The following RAD17 variants were observed in gnomAD, a reference collection of about 807,000 sequenced individuals.
The protein encoded by RAD17 is RAD17 checkpoint clamp loader component.
In RAD17, 31 loss-of-function variants were observed where a neutral mutation model predicts 81.5. That is an observed-to-expected ratio of 0.38 (90% CI 0.29 to 0.51). The LOEUF is 0.51. Ranked by LOEUF, RAD17 falls within the 20% of genes least tolerant of loss-of-function variation. RAD17 has a pLI of 0.88. For missense variants in RAD17, 681 were observed against 781.2 expected, an observed-to-expected ratio of 0.87 and a Z score of 1.53; for synonymous variants, 261 against 266.2, an observed-to-expected ratio of 0.98 and a Z score of 0.19.
At chr5:69,372,693 C>G (rs1282650002) in intron 4 of RAD17, among the ~76,000 whole-genome samples, 1 of 151,938 alleles carries the variant, frequency 6.6e-6, no homozygotes, top group Non-Finnish European at 1.5e-5. Flanking sequence ...TTCACTGCAA[C>G]CTTGACCTCC....
chr5:69,414,215 C>T lies in RAD17; in HGVS notation c.1936C>T (p.Gln646Ter). 1.2e-6 allele frequency: 2 copies of T among 1,614,190 alleles called. No homozygotes were observed. The highest frequency in any genetic ancestry group is 1.7e-6 in the Non-Finnish European group (2 of 1,180,008). Residue 646 changes from glutamine (Q) to a stop codon, truncating the protein, a stop_gained, in exon 19 of 19, where the codon CAG becomes TAG. Coordinates refer to ENST00000354868, the MANE Select transcript of RAD17 (RefSeq NM_133338.3). LOFTEE classifies it high-confidence loss of function. ...TAGTGCCAGTGAACTGCCTGCTAGC[C>T]AGCCCCAGCCCTTTTCAGCCCAAGG... Reference protein sequence around the residue: ...QNSASELPASQPQPFSAQGDM... With the variant: ...QNSASELPAS
In RAD17 at chr5:69,399,685, C is replaced by T. The variant is rs909729246; in HGVS notation, c.1573-364C>T. Among the ~76,000 whole-genome samples, 8 of 151,688 alleles carry T rather than the reference C, an allele frequency of 5.3e-5. No individual in the cohort carries two copies. The South Asian group carries it at 6.2e-4, about 12-fold the overall frequency. On this transcript the variant is annotated intron_variant, in intron 16 of 18. Coordinates refer to ENST00000354868, the MANE Select transcript of RAD17 (RefSeq NM_133338.3). ...TGTGCTTTTCTCTTGCTCAGCATAA[C>T]GTGTTGACTAAAGAAAACAAATTAT...
At chr5:69,413,206 G>A (rs961625576) in intron 18 of RAD17, among the ~76,000 whole-genome samples, 5 of 151,900 alleles carry the variant, frequency 3.3e-5, no homozygotes, top group African/African-American at 4.8e-5. Flanking sequence ...TTTGGGAGGC[G>A]GAGGCAGATG....
In RAD17 at chr5:69,384,849, G is replaced by A; in HGVS notation, c.561G>A (p.Glu187=). 1 of 1,610,146 alleles carries A rather than the reference G, an allele frequency of 6.2e-7. No homozygotes were observed. Among genetic ancestry groups the A allele is most frequent in the Non-Finnish European group, 8.5e-7 (1 of 1,177,298 alleles). Reference sequence around the variant, plus strand: ...AGTCTCAGATAGCAGTTTTCAAAGAGTTTCTACTAAGAGCGACAAAGTATA... The same window carrying A: ...AGTCTCAGATAGCAGTTTTCAAAGAATTTCTACTAAGAGCGACAAAGTATA... ...PYQSQIAVFK[E]FLLRATKYNK... The change falls in exon 8 of 19, where the codon GAG becomes GAA. Residue 187 remains glutamate (E), a synonymous_variant. Transcript: ENST00000354868.
intron 17 of RAD17, among the ~76,000 whole-genome samples, chr5:69,408,548 C>T (rs187977398): frequency 1.3e-3 from 174 of 138,842 alleles, no homozygotes; most frequent in Non-Finnish European, 1.4e-3. Flanking sequence ...GAGTCTCGCT[C>T]TGTCACCCAG....
At chr5:69,375,705 G>A (rs556560892) in intron 6 of RAD17, among the ~76,000 whole-genome samples, 17 of 152,120 alleles carry the variant, frequency 1.1e-4, no homozygotes, top group African/African-American at 3.1e-4. Flanking sequence ...CCAGGATGCC[G>A]TAATGCTGTC....
chr5:69,374,334 T>C (rs1763206390), intron 5 of RAD17, among the ~76,000 whole-genome samples: 1 of 152,224 alleles, frequency 6.6e-6, no homozygotes, highest in Non-Finnish European at 1.5e-5. Flanking sequence ...TTAAAAATTT[T>C]TGTACTAAAT....
In RAD17 at chr5:69,393,355, A is replaced by C; in HGVS notation, c.1277A>C (p.Glu426Ala). 6.3e-7 allele frequency: 1 copy of C among 1,589,180 alleles called. No homozygotes were observed. The highest frequency in any genetic ancestry group is 1.1e-5 in the South Asian group (1 of 87,922). Residue 426 changes from glutamate to alanine, a missense_variant and splice_region_variant, in exon 15 of 19, where the codon GAG becomes GCG. Physicochemically the swap from Glu to Ala is moderately radical, Grantham distance 107. Coordinates refer to ENST00000354868, the MANE Select transcript of RAD17 (RefSeq NM_133338.3). ...ERDTLLVEPE[E>A]VVEMSHMPGD... ...ATGTATATATGCTTCTTTTTATAGGAGGTAGTAGAAATGTCACACATGCCT... is the reference window on the plus strand; with the variant it reads ...ATGTATATATGCTTCTTTTTATAGGCGGTAGTAGAAATGTCACACATGCCT...
In RAD17 at chr5:69,371,482, C is replaced by G. The variant is rs747967959; in HGVS notation, c.-251C>G. On this transcript the variant is annotated 5_prime_UTR_variant, in exon 3 of 19. Coordinates refer to ENST00000354868, the MANE Select transcript of RAD17 (RefSeq NM_133338.3). ...AATTATAGTTTAATGTACTGCAAGT[C>G]CTAAACTACGGATGGGAACTATTAC... is the stretch of plus-strand genomic sequence containing the variant. The G allele has an allele frequency of 9.9e-7, 1 of 1,010,884 alleles. No homozygotes were observed. Among genetic ancestry groups the G allele is most frequent in the Non-Finnish European group, 1.3e-6 (1 of 760,248 alleles). The allele number at this position is 1,010,884 out of a possible 1,614,324, so 62.6% of individuals were successfully genotyped here. A position where few individuals can be genotyped will look rare whatever the true frequency, so the allele number is the denominator to read the frequency against.
At position 69,414,136 on chromosome 5, in the gene RAD17, T is replaced by G. The variant is rs747739782; in HGVS notation, c.1857T>G (p.Gly619=). ...GACATTCTGCAGAGGAATCTCTGGG[T>G]GAACCCACTCAAGCCACTGTGCCGG... ...NGGHSAEESL[G]EPTQATVPET... is the part of the protein sequence containing the mutation. Residue 619 remains glycine (G), a synonymous_variant, in exon 19 of 19, where the codon GGT becomes GGG. Coordinates refer to ENST00000354868, the MANE Select transcript of RAD17 (RefSeq NM_133338.3). 6.2e-7 allele frequency: 1 copy of G among 1,614,234 alleles called. No individual in the cohort carries two copies. Among genetic ancestry groups the G allele is most frequent in the Non-Finnish European group, 8.5e-7 (1 of 1,180,044 alleles).
chr5:69,412,489 CA>C (rs1233788374), intron 18 of RAD17, among the ~76,000 whole-genome samples: 2 of 152,102 alleles, frequency 1.3e-5, no homozygotes, highest in African/African-American at 4.8e-5. Context: ...TCATGCACTT[CA>C]AATACTATTT....
intron 17 of RAD17, among the ~76,000 whole-genome samples, chr5:69,405,943 G>A (rs992626188): frequency 6.6e-6 from 1 of 151,818 alleles, no homozygotes; most frequent in African/African-American, 2.4e-5. Context: ...CGTGGAGTCT[G>A]AGGCAGGAGA....
At chr5:69,413,784 C>T (rs1443206224) in intron 18 of RAD17, among the ~76,000 whole-genome samples, 2 of 152,242 alleles carry the variant, frequency 1.3e-5, no homozygotes, top group African/African-American at 2.4e-5. Context: ...ATCTGCCTGC[C>T]TTGGCCTCCC....
At chr5:69,405,345 A>G (rs1765525853) in intron 17 of RAD17, among the ~76,000 whole-genome samples, 1 of 150,556 alleles carries the variant, frequency 6.6e-6, no homozygotes, top group African/African-American at 2.4e-5. Context: ...TACTAAAAAC[A>G]CACACACAAA....
intron 15 of RAD17, among the ~76,000 whole-genome samples, chr5:69,393,907 G>GTTTT (rs1561260239): frequency 4.6e-4 from 22 of 48,338 alleles, no homozygotes; most frequent in African/African-American, 1.4e-3. Flanking sequence ...GTGTTATGGT[G>GTTTT]GTTTTTTTTT....
intron 4 of RAD17, among the ~76,000 whole-genome samples, chr5:69,373,239 G>T (rs967227535): frequency 1.3e-5 from 2 of 151,888 alleles, no homozygotes; most frequent in African/African-American, 2.4e-5. Flanking sequence ...CCTACAGAGA[G>T]TTTAAAAAAA....
chr5:69,381,135 A>G (rs1296599564), intron 6 of RAD17, among the ~76,000 whole-genome samples: 1 of 152,098 alleles, frequency 6.6e-6, no homozygotes, highest in Non-Finnish European at 1.5e-5. Flanking sequence ...TTCCATAAGA[A>G]TATTGTATTT....
intron 8 of RAD17, among the ~76,000 whole-genome samples, chr5:69,385,802 A>G (rs545793604): frequency 4.6e-5 from 7 of 152,268 alleles, no homozygotes; most frequent in Non-Finnish European, 7.4e-5. Flanking sequence ...AGTTTGGAAA[A>G]TTACTTCCTA....
chr5:69,385,774 A>G (rs776486129), intron 8 of RAD17, among the ~76,000 whole-genome samples: 4 of 152,198 alleles, frequency 2.6e-5, no homozygotes, highest in African/African-American at 2.4e-5. Context: ...TGGTTTAAGT[A>G]TAGAAAAACA....
Sources: allele counts gnomAD v4.1 joint callset (sites outside exome capture counted in the v4.1 genomes callset), GRCh38; gene constraint gnomAD v4.1.1; transcripts MANE v1.5; gene names NCBI Gene and HGNC (gene_info 2026-07-23, HGNC 2026-07-21).